Variants in EGLN2 observed in about 807,000 individuals in gnomAD.
EGLN2 encodes egl-9 family hypoxia inducible factor 2.
A neutral mutation model predicts 38.2 loss-of-function variants in EGLN2; 15 were observed. The observed-to-expected ratio is 0.39, with a 90% CI of 0.26 to 0.60. EGLN2 has a LOEUF of 0.60. Among genes scored for constraint, EGLN2 ranks in the 20% least tolerant of loss-of-function variants. EGLN2 has a pLI of 0.50. For missense variants in EGLN2, 492 were observed against 570.4 expected (o/e 0.86, Z 1.40); for synonymous variants, 284 against 237.4 (o/e 1.20, Z -1.81).
chr19:40,806,760 GC>G, intron 3 of EGLN2, 86 bp downstream of exon 3: 1 of 1,546,570 alleles, frequency 6.5e-7, no homozygotes, highest in South Asian at 1.1e-5. Flanking sequence ...TCCACTCTCA[GC>G]CCAGATTCTG....
chr19:40,804,772 A>G (rs1340075009), intron 2 of EGLN2: 1 of 152,228 alleles, frequency 6.6e-6, no homozygotes, highest in East Asian at 1.9e-4. Context: ...GGGAGTGAGC[A>G]GTGCAAAGAA....
At chr19:40,803,668 T>C (rs1416233374) in intron 2 of EGLN2, among the ~76,000 whole-genome samples, 1 of 152,126 alleles carries the variant, frequency 6.6e-6, no homozygotes, top group Admixed American at 6.5e-5. Context: ...AACTCCCTGG[T>C]TGGGGACAGG....
Position 40,800,736 on chromosome 19 carries a change from G to A in EGLN2, c.164G>A (p.Ser55Asn). 1 of 1,613,940 alleles carries A rather than the reference G, an allele frequency of 6.2e-7. No individual in the cohort carries two copies. The highest frequency in any genetic ancestry group is 8.5e-7 in the Non-Finnish European group (1 of 1,179,928). The stretch of plus-strand genomic sequence containing the variant: ...TCCTACCACTGTCCAGGAGTGCCTA[G>A]TGAGGCCTCGGCAGGGAGTGGGACC... ...LPSYHCPGVP[S>N]EASAGSGTPR... Residue 55 changes from serine to asparagine, a missense_variant, in exon 2 of 6, where the codon AGT becomes AAT. Transcript: ENST00000303961.
At chr19:40,806,809 G>A in intron 3 of EGLN2, 135 bp downstream of exon 3, 1 of 1,260,874 alleles carries the variant, frequency 7.9e-7, no homozygotes, top group Non-Finnish European at 1.1e-6. Context: ...ACAGCGGGCA[G>A]TGCGATCTGC....
chr19:40,801,061 T>G lies in EGLN2; in HGVS notation c.489T>G (p.Ala163=), dbSNP rs2083253238. Residue 163 remains alanine, a synonymous_variant, in exon 2 of 6, where the codon GCT becomes GCG. Coordinates refer to ENST00000303961, the MANE Select transcript of EGLN2 (RefSeq NM_080732.4). ...SCSSGSGEAS[A]GLMEEALPSA... ...GCAGTGGCAGTGGTGAGGCCAGTGC[T>G]GGGCTGATGGAGGAGGCGCTGCCCT... is the stretch of plus-strand genomic sequence containing the variant. The G allele has an allele frequency of 6.2e-7, 1 of 1,612,878 alleles. No individual in the cohort carries two copies. Among genetic ancestry groups the G allele is most frequent in the East Asian group, 2.2e-5 (1 of 44,870 alleles).
chr19:40,799,362 T>A (rs2083232940), intron 1 of EGLN2, 100 bp downstream of exon 1: 1 of 132,874 alleles, frequency 7.5e-6, no homozygotes, highest in Admixed American at 7.4e-5. Context: ...CGCCGGGGCC[T>A]GCCGGGGCGA....
intron 3 of EGLN2, 141 bp downstream of exon 3, chr19:40,806,815 T>TC: frequency 8.4e-7 from 1 of 1,192,422 alleles, no homozygotes; most frequent in East Asian, 2.6e-5. Flanking sequence ...GGCAGTGCGA[T>TC]CTGCCGGCTC....
Position 40,800,486 on chromosome 19 carries a change from A to G in EGLN2, c.-87A>G, listed in dbSNP as rs1226888390. 6.9e-7 allele frequency: 1 copy of G among 1,458,834 alleles called. No individual in the cohort carries two copies. The highest frequency in any genetic ancestry group is 9.0e-7 in the Non-Finnish European group (1 of 1,107,544). The allele number at this position is 1,458,834 out of a possible 1,614,324, so 90.4% of individuals were successfully genotyped here. On this transcript the variant is annotated 5_prime_UTR_variant, in exon 2 of 6. Transcript: ENST00000303961. ...GGCCCGGTGGCCCCCAGCTGCATCAAGTGGAGGCGGAGGAGGAGGCGGAGG... is the reference window on the plus strand; with the variant it reads ...GGCCCGGTGGCCCCCAGCTGCATCAGGTGGAGGCGGAGGAGGAGGCGGAGG...
In EGLN2 at chr19:40,800,581, C is replaced by T. The variant is rs892202419; in HGVS notation, c.9C>T (p.Ser3=). ...ATGAAGACACTGCTGCCATGGACAG[C>T]CCGTGCCAGCCGCAGCCCCTAAGTC... MD[S]PCQPQPLSQA... is the part of the protein sequence containing the mutation. Residue 3 remains serine (S), a synonymous_variant, in exon 2 of 6, where the codon AGC becomes AGT. Transcript: ENST00000303961. 6 of 1,599,230 alleles carry T rather than the reference C, an allele frequency of 3.8e-6. No homozygotes were observed. The African/African-American group carries it at 6.7e-5, about 18-fold the overall frequency.
Position 40,808,001 on chromosome 19 carries a change from CTG to C in EGLN2, c.*139_*140del. ...TCCTGCCTGGTGTGGAGGGCTCTGT[CTG>C]TTGCTGAGGACCAAGGAGGAGAAGA... On this transcript the variant is annotated 3_prime_UTR_variant, in exon 6 of 6. Transcript: ENST00000303961. 1 of 848,042 alleles carries C rather than the reference CTG, an allele frequency of 1.2e-6. No individual in the cohort carries two copies. The highest frequency in any genetic ancestry group is 1.9e-6 in the Non-Finnish European group (1 of 536,102). 52.5% of individuals were successfully genotyped at this position (848,042 alleles called of 1,614,324 possible).
chr19:40,799,995 C>T (rs1568499453), intron 1 of EGLN2: 1 of 151,860 alleles, frequency 6.6e-6, no homozygotes, highest in Non-Finnish European at 1.5e-5. Flanking sequence ...TTCCAAACCC[C>T]CTCCTTTCCC....
In EGLN2 at chr19:40,808,020, AG is replaced by A; in HGVS notation, c.*158del. ...CTCTGTCTGTTGCTGAGGACCAAGG[AG>A]GAGAAGAGACCTTTGCTGCCCCATC... On this transcript the variant is annotated 3_prime_UTR_variant, in exon 6 of 6. Transcript: ENST00000303961. 1.4e-6 allele frequency: 1 copy of A among 728,930 alleles called. No homozygotes were observed. 45.2% of individuals were successfully genotyped at this position (728,930 alleles called of 1,614,324 possible).
At chr19:40,805,010 T>C (rs2083290927) in intron 2 of EGLN2, 1 of 152,190 alleles carries the variant, frequency 6.6e-6, no homozygotes, top group Non-Finnish European at 1.5e-5. Flanking sequence ...CCTGGGATAA[T>C]GTGTTGGGAG....
At chr19:40,801,652 T>C (rs964888863) in intron 2 of EGLN2, among the ~76,000 whole-genome samples, 9 of 18,936 alleles carry the variant, frequency 4.8e-4, no homozygotes, top group African/African-American at 1.6e-3. Flanking sequence ...ACAGTGGTTC[T>C]TTTTTTTTTT....
chr19:40,799,997 T>G (rs1380809236), intron 1 of EGLN2: 1 of 132,500 alleles, frequency 7.5e-6, no homozygotes, highest in East Asian at 2.4e-4. Context: ...CCAAACCCCC[T>G]CCTTTCCCAC....
In EGLN2 at chr19:40,800,841, C is replaced by T. The variant is rs746648993; in HGVS notation, c.269C>T (p.Pro90Leu). 8 of 1,612,778 alleles carry T rather than the reference C, an allele frequency of 5.0e-6. No homozygotes were observed. Among genetic ancestry groups the T allele is most frequent in the East Asian group, 4.5e-5 (2 of 44,892 alleles). ...FGGQDGGELR[P>L]LQSEGAAALV... ...GGGCAGGATGGTGGTGAGCTGCGGCCGCTGCAGAGTGAAGGCGCTGCAGCG... is the reference window on the plus strand; with the variant it reads ...GGGCAGGATGGTGGTGAGCTGCGGCTGCTGCAGAGTGAAGGCGCTGCAGCG... Residue 90 changes from proline (P) to leucine (L), a missense_variant, in exon 2 of 6, where the codon CCG (proline) becomes CTG (leucine). By Grantham distance (98) the Pro-to-Leu change is moderately conservative. Coordinates refer to ENST00000303961, the MANE Select transcript of EGLN2 (RefSeq NM_080732.4).
At chr19:40,801,541 G>A (rs1416328353) in intron 2 of EGLN2, 126 bp downstream of exon 2, 21 of 1,360,194 alleles carry the variant, frequency 1.5e-5, no homozygotes, top group Non-Finnish European at 2.0e-5. Flanking sequence ...AGGCAGTTCA[G>A]TGGAGTGGGT....
chr19:40,800,604 G>A lies in EGLN2; in HGVS notation c.32G>A (p.Ser11Asn). 1 of 1,611,776 alleles carries A rather than the reference G, an allele frequency of 6.2e-7. No homozygotes were observed. The highest frequency in any genetic ancestry group is 8.5e-7 in the Non-Finnish European group (1 of 1,179,058). MDSPCQPQPL[S>N]QALPQLPGSS... ...AGCCCGTGCCAGCCGCAGCCCCTAA[G>A]TCAGGCTCTCCCTCAGTTACCAGGG... Residue 11 changes from serine (S) to asparagine (N), a missense_variant, in exon 2 of 6, where the codon AGT becomes AAT. Physicochemically the swap from Ser to Asn is conservative, Grantham distance 46 (BLOSUM62 1). This residue lies in a region of EGLN2 where 378 missense variants were observed against 386.2 expected (regional missense o/e 0.98). Coordinates refer to ENST00000303961, the MANE Select transcript of EGLN2 (RefSeq NM_080732.4).
chr19:40,802,100 TGTC>T (rs1312683667), intron 2 of EGLN2, among the ~76,000 whole-genome samples: 1 of 152,186 alleles, frequency 6.6e-6, no homozygotes, highest in African/African-American at 2.4e-5. Flanking sequence ...CCTGTGCTCC[TGTC>T]GTCCATCCCT....
Sources: allele counts gnomAD v4.1 joint callset (sites outside exome capture counted in the v4.1 genomes callset), GRCh38; gene constraint gnomAD v4.1.1; regional missense constraint gnomAD v4.1.1; transcripts MANE v1.5; gene names NCBI Gene and HGNC (gene_info 2026-07-23, HGNC 2026-07-21).